The following CTNNA2 variants were observed in gnomAD, a reference collection of about 807,000 sequenced individuals.
CTNNA2 encodes catenin alpha-2.
In CTNNA2, 42 loss-of-function variants were observed where a neutral mutation model predicts 101.0. The ratio of observed to expected loss-of-function variants is 0.42; its 90% CI spans 0.32 to 0.54. The LOEUF (loss-of-function observed/expected upper bound fraction) is 0.54. Among genes scored for constraint, CTNNA2 ranks in the 20% least tolerant of loss-of-function variants. CTNNA2 has a pLI of 0.14. For synonymous variants in CTNNA2, 450 were observed against 456.4 expected, an observed-to-expected ratio of 0.99 and a Z score of 0.18; for missense variants, 871 against 1,223.1, an observed-to-expected ratio of 0.71 and a Z score of 4.29.
chr2:79,511,495 C>T (rs1671539063), upstream of CTNNA2, among the ~76,000 whole-genome samples: 2 of 152,144 alleles, frequency 1.3e-5, no homozygotes, highest in Non-Finnish European at 2.9e-5. Context: ...AAGAAAAACG[C>T]TAGGTGGTAA....
intron 9 of CTNNA2, among the ~76,000 whole-genome samples, chr2:80,464,475 C>T (rs1481370575): frequency 2.0e-5 from 3 of 152,128 alleles, no homozygotes; most frequent in Non-Finnish European, 4.4e-5. Flanking sequence ...GTTCTTTGTG[C>T]TTCAGTGAGG....
At chr2:80,269,172 A>C (rs551246740) in intron 7 of CTNNA2, among the ~76,000 whole-genome samples, 48 of 152,294 alleles carry the variant, frequency 3.2e-4, no homozygotes, top group African/African-American at 6.3e-4. Flanking sequence ...TCTCATCTTG[A>C]ATGGTAGTTC....
intron 2 of CTNNA2, among the ~76,000 whole-genome samples, chr2:79,231,319 T>A (rs1674490495): frequency 6.6e-6 from 1 of 152,190 alleles, no homozygotes; most frequent in Non-Finnish European, 1.5e-5. Context: ...CAAATCTGTC[T>A]CATGAGATCT....
intron 9 of CTNNA2, among the ~76,000 whole-genome samples, chr2:80,516,290 C>T (rs1028123502): frequency 6.6e-6 from 1 of 152,154 alleles, no homozygotes; most frequent in African/African-American, 2.4e-5. Context: ...TGGAAGATAA[C>T]AGAATGGTGT....
At position 79,905,284 on chromosome 2, in the gene CTNNA2, A is replaced by T. The variant is rs182928953; in HGVS notation, c.853-4310A>T. On this transcript the variant is annotated intron_variant, in intron 6 of 18. Transcript: ENST00000402739. ...TAGATTAACTTAAAACATAAGAAAA[A>T]GATAAAATAAGAAATGCAGGCCCTC... 2.0e-3 allele frequency among the ~76,000 whole-genome samples: 310 copies of T among 152,362 alleles called. 1 individual carries two copies. Among genetic ancestry groups the T allele is most frequent in the African/African-American group, 7.0e-3 (290 of 41,584 alleles).
At chr2:80,344,583 C>G (rs1381294965) in intron 7 of CTNNA2, among the ~76,000 whole-genome samples, 1 of 152,190 alleles carries the variant, frequency 6.6e-6, no homozygotes, top group Non-Finnish European at 1.5e-5. Flanking sequence ...CTCCCAGGCA[C>G]AGGTGATCCT....
At chr2:79,858,275 C>A in intron 4 of CTNNA2, 96 bp downstream of exon 4, 3 of 954,988 alleles carry the variant, frequency 3.1e-6, no homozygotes, top group Non-Finnish European at 4.7e-6. Context: ...TGTTTCATTG[C>A]TCACCAGATC....
intron 7 of CTNNA2, among the ~76,000 whole-genome samples, chr2:80,000,965 G>A (rs1352857439): frequency 2.0e-5 from 3 of 152,182 alleles, no homozygotes; most frequent in African/African-American, 4.8e-5. Context: ...CCTAGGCTCA[G>A]GGTAGATGCT....
chr2:79,845,206 T>C (rs1176023022), intron 3 of CTNNA2, among the ~76,000 whole-genome samples: 1 of 138,722 alleles, frequency 7.2e-6, no homozygotes, highest in African/African-American at 2.7e-5. Context: ...TTTCTAAATG[T>C]CCACTTAGGG....
intron 18 of CTNNA2, among the ~76,000 whole-genome samples, chr2:80,627,374 A>G (rs1671794489): frequency 6.6e-6 from 1 of 152,118 alleles, no homozygotes; most frequent in South Asian, 2.1e-4. Flanking sequence ...CCTCTCCAGC[A>G]TCTGTTGTTT....
At chr2:80,120,137 T>C (rs555226758) in intron 7 of CTNNA2, among the ~76,000 whole-genome samples, 18 of 152,312 alleles carry the variant, frequency 1.2e-4, no homozygotes, top group African/African-American at 4.3e-4. Flanking sequence ...TTAACAATCA[T>C]TTTAATTTGT....
chr2:79,758,189 C>T (rs529611476), intron 3 of CTNNA2, among the ~76,000 whole-genome samples: 4 of 152,142 alleles, frequency 2.6e-5, no homozygotes, highest in Non-Finnish European at 5.9e-5. Context: ...GATAAAGAAA[C>T]CTGGTTATCA....
intron 3 of CTNNA2, among the ~76,000 whole-genome samples, chr2:79,764,336 A>G (rs1160789212): frequency 6.6e-6 from 1 of 152,186 alleles, no homozygotes; most frequent in Non-Finnish European, 1.5e-5. Context: ...TGTTATGCCA[A>G]TTATACAAAA....
chr2:79,671,289 G>T (rs200864942), intron 2 of CTNNA2, among the ~76,000 whole-genome samples: 2 of 152,190 alleles, frequency 1.3e-5, no homozygotes, highest in African/African-American at 4.8e-5. Flanking sequence ...CTCCAGCTCC[G>T]CATAGCTCAG....
intron 12 of CTNNA2, among the ~76,000 whole-genome samples, chr2:80,567,242 G>A (rs1188931958): frequency 7.3e-5 from 9 of 123,726 alleles, no homozygotes; most frequent in South Asian, 3.4e-4. Context: ...CATGACATTC[G>A]TTACTAAAAT....
At chr2:80,472,886 C>T (rs569995712) in intron 9 of CTNNA2, among the ~76,000 whole-genome samples, 6 of 152,240 alleles carry the variant, frequency 3.9e-5, no homozygotes, top group South Asian at 2.1e-4. Context: ...TGTCATTACA[C>T]GTGTCAAAGG....
intron 1 of CTNNA2, among the ~76,000 whole-genome samples, chr2:79,579,187 CCTTT>C (rs199834930): frequency 0.012 from 1,815 of 149,524 alleles, 19 homozygotes; most frequent in Non-Finnish European, 0.019. Context: ...TTCCTTCCTT[CCTTT>C]CTTCCTTCCT....
chr2:79,262,375 C>T (rs908581631), intron 2 of CTNNA2, among the ~76,000 whole-genome samples: 1 of 152,020 alleles, frequency 6.6e-6, no homozygotes, highest in Admixed American at 6.6e-5. Flanking sequence ...AATTCAATTT[C>T]AAGTTAAATA....
intron 4 of CTNNA2, among the ~76,000 whole-genome samples, chr2:79,414,407 TA>T (rs1413528777): frequency 6.6e-6 from 1 of 152,034 alleles, no homozygotes. Context: ...AGTATATTGT[TA>T]AAAACACTAG....
Sources: gnomAD v4.1 joint callset for allele counts (sites outside exome capture counted in the v4.1 genomes callset) on GRCh38, gnomAD v4.1.1 for gene constraint, MANE v1.5 for transcripts, NCBI Gene and HGNC (gene_info 2026-07-23, HGNC 2026-07-21) for gene names.